CTNND2: variants seen among roughly 807,000 people sequenced by gnomAD.
The protein encoded by CTNND2 is catenin delta-2.
A neutral mutation model predicts 144.4 loss-of-function variants in CTNND2; 22 were observed. That is an observed-to-expected ratio of 0.15 (90% confidence interval 0.11 to 0.22). CTNND2 has a LOEUF of 0.22. CTNND2 is among the 10% of genes least tolerant of loss of function. CTNND2 has a pLI of 1.00. For synonymous variants in CTNND2, 751 were observed against 695.6 expected (o/e 1.08, Z -1.25); for missense variants, 1,353 against 1,618.8 (o/e 0.84, Z 2.82).
chr5:11,731,373 T>C (rs567320173), intron 2 of CTNND2, among the ~76,000 whole-genome samples: 1 of 152,146 alleles, frequency 6.6e-6, no homozygotes, highest in South Asian at 2.1e-4. Flanking sequence ...GTTCCTGGAG[T>C]CAGGTAAGTT....
chr5:11,653,395 T>C (rs1420535380), intron 2 of CTNND2, among the ~76,000 whole-genome samples: 2 of 152,106 alleles, frequency 1.3e-5, no homozygotes, highest in African/African-American at 4.8e-5. Flanking sequence ...TCAGTAACAC[T>C]TGTTATCATT....
At chr5:11,211,156 G>A (rs772124630) in intron 10 of CTNND2, among the ~76,000 whole-genome samples, 6 of 152,082 alleles carry the variant, frequency 3.9e-5, no homozygotes, top group East Asian at 1.9e-4. Flanking sequence ...TGGTGTTGCC[G>A]GGGAGTGGGT....
chr5:11,345,607 G>A (rs752513571), intron 9 of CTNND2, among the ~76,000 whole-genome samples: 1 of 151,962 alleles, frequency 6.6e-6, no homozygotes, highest in Non-Finnish European at 1.5e-5. Flanking sequence ...AGAAATATCA[G>A]CAATCTGACA....
intron 10 of CTNND2, among the ~76,000 whole-genome samples, chr5:11,218,029 C>G (rs766033050): frequency 8.0e-5 from 12 of 149,628 alleles, no homozygotes; most frequent in Non-Finnish European, 1.6e-4. Context: ...CTCCCTTCCT[C>G]CCTCCCTTCT....
In CTNND2 at chr5:11,128,989, A is replaced by AATATATAATATATAAATATATATT. The variant is rs1561351353; in HGVS notation, c.2160-11446_2160-11423dup. ...TAATATATAATATATAAATATATAT[A>AATATATAATATATAAATATATATT]ATATATAATATATAAATATATATTA... On this transcript the variant is annotated intron_variant, in intron 12 of 21. Transcript: ENST00000304623. Among the ~76,000 whole-genome samples, 49 of 26,482 alleles carry AATATATAATATATAAATATATATT rather than the reference A, an allele frequency of 1.9e-3. 1 individual carries two copies. The highest frequency in any genetic ancestry group is 4.2e-3 in the African/African-American group (44 of 10,592). 17.4% of individuals were successfully genotyped at this position (26,482 alleles called of 152,430 possible).
chr5:11,841,977 T>C (rs939497029), intron 1 of CTNND2, among the ~76,000 whole-genome samples: 1 of 152,034 alleles, frequency 6.6e-6, no homozygotes, highest in Non-Finnish European at 1.5e-5. Context: ...TAAAGCTTTC[T>C]GGTAAATATT....
intron 11 of CTNND2, among the ~76,000 whole-genome samples, chr5:11,175,661 C>T (rs116170040): frequency 0.016 from 2,427 of 151,472 alleles, 43 homozygotes; most frequent in Middle Eastern, 0.058. Flanking sequence ...CTGACATTGG[C>T]TCTTACTATG....
At position 11,476,412 on chromosome 5, in the gene CTNND2, A is replaced by G. The variant is rs1288990476; in HGVS notation, c.288-64343T>C. 2.0e-5 allele frequency among the ~76,000 whole-genome samples: 3 copies of G among 152,150 alleles called. No individual in the cohort carries two copies. In the East Asian group the frequency reaches 5.8e-4, roughly 29 times the overall value. On this transcript the variant is annotated intron_variant, in intron 3 of 21. Coordinates refer to ENST00000304623, the MANE Select transcript of CTNND2 (RefSeq NM_001332.4). ...TCAGTAACAATGCAAGATAGGTATT[A>G]TTATTCACATTTTTAGATGAGGAAA...
intron 1 of CTNND2, among the ~76,000 whole-genome samples, chr5:11,824,246 C>A (rs1056942224): frequency 6.6e-6 from 1 of 152,122 alleles, no homozygotes; most frequent in Non-Finnish European, 1.5e-5. Flanking sequence ...CCGCATTGGC[C>A]AATGAGAATC....
intron 1 of CTNND2, among the ~76,000 whole-genome samples, chr5:11,831,152 A>G (rs1793878136): frequency 6.6e-6 from 1 of 151,952 alleles, no homozygotes. Flanking sequence ...ACACAATCCT[A>G]ATAAAAATTC....
At chr5:11,744,250 C>T (rs1788179775) in intron 1 of CTNND2, among the ~76,000 whole-genome samples, 1 of 152,180 alleles carries the variant, frequency 6.6e-6, no homozygotes, top group East Asian at 1.9e-4. Flanking sequence ...TAAAAACAAA[C>T]CAGTGGTTAA....
At chr5:10,998,112 C>A (rs1267266759) in intron 18 of CTNND2, among the ~76,000 whole-genome samples, 1 of 152,164 alleles carries the variant, frequency 6.6e-6, no homozygotes, top group African/African-American at 2.4e-5. Flanking sequence ...TATATGGATG[C>A]ACTCAAAAAA....
At chr5:11,777,025 C>A (rs1174871095) in intron 1 of CTNND2, among the ~76,000 whole-genome samples, 1 of 150,798 alleles carries the variant, frequency 6.6e-6, no homozygotes, top group Non-Finnish European at 1.5e-5. Context: ...AAAAAATACT[C>A]ATGTTAATTA....
At chr5:11,501,619 C>T (rs116479155) in intron 3 of CTNND2, among the ~76,000 whole-genome samples, 1 of 152,078 alleles carries the variant, frequency 6.6e-6, no homozygotes, top group South Asian at 2.1e-4. Context: ...CTGTTGAAAC[C>T]CTAATCCCAA....
At chr5:11,056,672 T>C (rs957439403) in intron 16 of CTNND2, among the ~76,000 whole-genome samples, 1 of 152,172 alleles carries the variant, frequency 6.6e-6, no homozygotes, top group Non-Finnish European at 1.5e-5. Context: ...AGCACTTGAC[T>C]TGAGTTTTGA....
chr5:11,031,599 G>C (rs1010108220), intron 16 of CTNND2, among the ~76,000 whole-genome samples: 9 of 152,260 alleles, frequency 5.9e-5, no homozygotes, highest in African/African-American at 2.2e-4. Context: ...TAGTGTTTCT[G>C]GTGTGTCTGT....
intron 9 of CTNND2, among the ~76,000 whole-genome samples, chr5:11,243,389 ACCTGGGAGTATTATT>A (rs1742654493): frequency 6.6e-6 from 1 of 152,150 alleles, no homozygotes. Flanking sequence ...AAAAATTCCT[ACCTGGGAGTATTATT>A]GGGATGATTA....
At chr5:11,244,925 T>C (rs1393248494) in intron 9 of CTNND2, among the ~76,000 whole-genome samples, 1 of 152,192 alleles carries the variant, frequency 6.6e-6, no homozygotes, top group Non-Finnish European at 1.5e-5. Context: ...ATTTGTATTA[T>C]TAATTATACC....
intron 10 of CTNND2, among the ~76,000 whole-genome samples, chr5:11,232,374 T>C (rs947824843): frequency 2.6e-5 from 4 of 152,246 alleles, no homozygotes; most frequent in African/African-American, 9.6e-5. Context: ...GGAGTGGGGC[T>C]GTACCCTGCA....
Sources: allele counts gnomAD v4.1 joint callset (sites outside exome capture counted in the v4.1 genomes callset), GRCh38; gene constraint gnomAD v4.1.1; transcripts MANE v1.5; gene names NCBI Gene and HGNC (gene_info 2026-07-23, HGNC 2026-07-21).